The following LRRC37A2 variants were observed in gnomAD, a reference collection of about 807,000 sequenced individuals.
The protein encoded by LRRC37A2 is leucine rich repeat containing 37 member A2.
In LRRC37A2, 9 loss-of-function variants were observed where a neutral mutation model predicts 68.8. The observed-to-expected ratio is 0.13, with a 90% CI of 0.08 to 0.23. The LOEUF (loss-of-function observed/expected upper bound fraction) is 0.23. Ranked by LOEUF, LRRC37A2 falls within the 10% of genes least tolerant of loss-of-function variation. The pLI, the probability that LRRC37A2 is intolerant of heterozygous loss-of-function variation, is 1.00. For synonymous variants in LRRC37A2, 63 were observed against 367.6 expected (o/e 0.17, Z 9.48); for missense variants, 168 against 950.4 (o/e 0.18, Z 10.82).
the LRRC37A2 span, among the ~76,000 whole-genome samples, chr17:46,501,986 G>T: frequency 5.3e-5 from 8 of 151,384 alleles, no homozygotes; most frequent in East Asian, 1.9e-4. Flanking sequence ...ACTTTTGGAC[G>T]ATGATGTGTT....
chr17:46,828,655 T>C, the LRRC37A2 span, among the ~76,000 whole-genome samples: 2 of 151,948 alleles, frequency 1.3e-5, no homozygotes, highest in Admixed American at 6.6e-5. Flanking sequence ...TTAAGATGCA[T>C]CCAGAATGTA....
At chr17:46,932,003 T>C in the LRRC37A2 span, 1 of 1,477,900 alleles carries the variant, frequency 6.8e-7, no homozygotes, top group Middle Eastern at 1.8e-4. Context: ...GTACAAAGCC[T>C]GGCCCCCTCA....
chr17:46,892,534 G>T, the LRRC37A2 span, among the ~76,000 whole-genome samples: 1 of 152,094 alleles, frequency 6.6e-6, no homozygotes, highest in Non-Finnish European at 1.5e-5. Context: ...TTCCACCATC[G>T]GACTGATTTT....
the LRRC37A2 span, among the ~76,000 whole-genome samples, chr17:46,740,730 C>T: frequency 2.7e-5 from 4 of 148,088 alleles, no homozygotes; most frequent in Non-Finnish European, 4.5e-5. Flanking sequence ...GGCACGATTT[C>T]GGCTCACTGC....
At chr17:47,003,940 A>C in the LRRC37A2 span, among the ~76,000 whole-genome samples, 1 of 152,074 alleles carries the variant, frequency 6.6e-6, no homozygotes, top group African/African-American at 2.4e-5. Flanking sequence ...CTCGTTGTTC[A>C]ATTCCCACCT....
chr17:47,000,447 C>T, the LRRC37A2 span, among the ~76,000 whole-genome samples: 1 of 151,952 alleles, frequency 6.6e-6, no homozygotes, highest in Non-Finnish European at 1.5e-5. Context: ...GTTGGTCAGG[C>T]TGGTCTCGAA....
At chr17:46,869,157 G>C in the LRRC37A2 span, among the ~76,000 whole-genome samples, 1 of 152,174 alleles carries the variant, frequency 6.6e-6, no homozygotes, top group Non-Finnish European at 1.5e-5. Context: ...TGAGGCCTCT[G>C]TGCGGTTGGC....
At chr17:46,957,969 C>T in the LRRC37A2 span, among the ~76,000 whole-genome samples, 8 of 152,120 alleles carry the variant, frequency 5.3e-5, no homozygotes, top group Non-Finnish European at 8.8e-5. Flanking sequence ...TCTGACTGAG[C>T]GACTCCTAAC....
the LRRC37A2 span, among the ~76,000 whole-genome samples, chr17:46,944,380 T>C: frequency 6.6e-6 from 1 of 152,140 alleles, no homozygotes; most frequent in Non-Finnish European, 1.5e-5. Context: ...GCCTCAGCTT[T>C]CTAAGAATGG....
At chr17:46,494,110 G>T in the LRRC37A2 span, among the ~76,000 whole-genome samples, 2 of 150,794 alleles carry the variant, frequency 1.3e-5, no homozygotes, top group Non-Finnish European at 2.9e-5. Flanking sequence ...CTCCCAAAGT[G>T]CTGGGATTAC....
At chr17:46,545,376 AG>A (rs2056135198) in intron 8 of LRRC37A2, among the ~76,000 whole-genome samples, 1 of 135,028 alleles carries the variant, frequency 7.4e-6, no homozygotes, top group Admixed American at 7.2e-5. Flanking sequence ...CCTTGAGCCC[AG>A]GGGGGTTGAG....
chr17:46,936,203 A>G, the LRRC37A2 span: 1 of 985,492 alleles, frequency 1.0e-6, no homozygotes, highest in Non-Finnish European at 1.2e-6. Context: ...GAACTGATAC[A>G]TGTTGATTAG....
chr17:46,771,426 T>A, the LRRC37A2 span, among the ~76,000 whole-genome samples: 4 of 150,812 alleles, frequency 2.7e-5, no homozygotes, highest in Non-Finnish European at 4.4e-5. Context: ...CCGGCCGGCC[T>A]GCGGCCTCTC....
chr17:46,897,477 A>G, the LRRC37A2 span, among the ~76,000 whole-genome samples: 1 of 152,114 alleles, frequency 6.6e-6, no homozygotes, highest in African/African-American at 2.4e-5. Context: ...CAGAGCTGCC[A>G]TAAACTAGAA....
chr17:46,854,055 G>T, the LRRC37A2 span, among the ~76,000 whole-genome samples: 1 of 152,158 alleles, frequency 6.6e-6, no homozygotes, highest in Admixed American at 6.5e-5. Flanking sequence ...GAGCCCAGCT[G>T]GAAAGAGCTG....
At chr17:46,733,094 G>A in the LRRC37A2 span, among the ~76,000 whole-genome samples, 2 of 152,212 alleles carry the variant, frequency 1.3e-5, no homozygotes, top group African/African-American at 4.8e-5. Flanking sequence ...GCTTAGCAGT[G>A]AGAGGCTTGA....
chr17:46,912,026 C>T, the LRRC37A2 span, among the ~76,000 whole-genome samples: 7 of 152,214 alleles, frequency 4.6e-5, no homozygotes, highest in Non-Finnish European at 8.8e-5. Flanking sequence ...CAACCCCCAT[C>T]GCTTGATGTG....
At chr17:46,935,245 A>G in the LRRC37A2 span, 2 of 1,610,040 alleles carry the variant, frequency 1.2e-6, no homozygotes, top group Non-Finnish European at 1.7e-6. Context: ...CTGTGTTTAT[A>G]TTTTGATTAC....
At chr17:46,379,838 C>A in the LRRC37A2 span, among the ~76,000 whole-genome samples, 4 of 50,128 alleles carry the variant, frequency 8.0e-5, no homozygotes, top group South Asian at 9.4e-4. Flanking sequence ...TGAATTTTAT[C>A]AAATGTTTTT....
Sources: allele counts gnomAD v4.1 joint callset (sites outside exome capture counted in the v4.1 genomes callset), GRCh38; gene constraint gnomAD v4.1.1; transcripts MANE v1.5; gene names NCBI Gene and HGNC (gene_info 2026-07-23, HGNC 2026-07-21).